The following PASK variants were observed in gnomAD, a reference collection of about 807,000 sequenced individuals.
PASK encodes PAS domain containing serine/threonine kinase.
A neutral mutation model predicts 121.0 loss-of-function variants in PASK; 110 were observed. The observed-to-expected ratio is 0.91, with a 90% confidence interval of 0.78 to 1.06. PASK has a LOEUF of 1.06. PASK is among the 50% of genes least tolerant of loss of function. PASK has a pLI of 0.00. For synonymous variants in PASK, 686 were observed against 717.8 expected (o/e 0.96, Z 0.71); for missense variants, 1,643 against 1,702.3 (o/e 0.97, Z 0.61).
chr2:241,114,834 G>A, intron 14 of PASK: 1 of 1,473,044 alleles, frequency 6.8e-7, no homozygotes, highest in South Asian at 1.4e-5. Flanking sequence ...GACTGTATCT[G>A]GCCTCATCCT....
At chr2:241,127,573 A>G (rs2065931821) in intron 9 of PASK, 122 bp from the exon 10 acceptor site, 1 of 820,792 alleles carries the variant, frequency 1.2e-6, no homozygotes, top group African/African-American at 1.7e-5. Context: ...TATAACAAGA[A>G]AAAGACCAAA....
chr2:241,127,030 TG>T lies in PASK; in HGVS notation c.1884del (p.Ser629AlafsTer15), dbSNP rs746476606. The T allele has an allele frequency of 6.2e-7, 1 of 1,614,184 alleles. No homozygotes were observed. The highest frequency in any genetic ancestry group is 2.2e-5 in the East Asian group (1 of 44,878). On this transcript the variant is annotated frameshift_variant, in exon 10 of 18. Transcript: ENST00000234040. LOFTEE classifies it high-confidence loss of function. ...GLWWRSQDLA[P>X]SPSGMAGLSF... The stretch of plus-strand genomic sequence containing the variant: ...GAGAGGCCTGCCATCCCAGAGGGGC[TG>T]GGGGCCAAGTCCTGGCTTCGCCACC...
In PASK at chr2:241,132,999, G is replaced by T. The variant is rs545248616; in HGVS notation, c.1338C>A (p.Gly446=). 1 of 1,614,072 alleles carries T rather than the reference G, an allele frequency of 6.2e-7. No individual in the cohort carries two copies. ...DPRINVVLAG[G]HVVPRDEIRK... ...GGATCTCATCTCGGGGCACAACGTG[G>T]CCACCAGCAAGCACGACATTAATCC... The change falls in exon 9 of 18, where the codon GGC becomes GGA. Residue 446 remains glycine, a synonymous_variant. Transcript: ENST00000234040.
chr2:241,112,955 G>A lies in PASK; in HGVS notation c.3334-516C>T, dbSNP rs2065168514. On this transcript the variant is annotated intron_variant, in intron 14 of 17. Coordinates refer to ENST00000234040, the MANE Select transcript of PASK (RefSeq NM_015148.4). The surrounding 1 kb of genome is among the most constrained non-coding windows in gnomAD (Gnocchi z 5.2). ...GGGCAGAGCTGGGAGCACAGCCTCA[G>A]TGGCTTCTCAGAGAGCAGCATGACG... 6.6e-6 allele frequency among the ~76,000 whole-genome samples: 1 copy of A among 152,244 alleles called. No individual in the cohort carries two copies. The highest frequency in any genetic ancestry group is 2.1e-4 in the South Asian group (1 of 4,830).
rs73112175 is a variant in PASK, at chr2:241,126,366, G to A, written c.2549C>T (p.Thr850Met). The A allele has an allele frequency of 4.7e-3, 7,577 of 1,614,214 alleles. 268 individuals carry two copies. The African/African-American group carries it at 0.084, about 18-fold the overall frequency. ...DRESPGHVPS[T>M]LDAGPEDTCP... ...CGTGTCCTCAGGGCCAGCATCCAAC[G>A]TGGAAGGAACGTGTCCTGGGCTTTC... The change falls in exon 10 of 18, where the codon ACG (threonine) becomes ATG (methionine). Residue 850 changes from threonine to methionine, a missense_variant. Thr to Met is a moderately conservative substitution (Grantham distance 81). Transcript: ENST00000234040.
In PASK at chr2:241,137,111, TGCA is replaced by T; in HGVS notation, c.1027_1029del (p.Cys343del). 6.2e-7 allele frequency: 1 copy of T among 1,613,684 alleles called. No individual in the cohort carries two copies. Among genetic ancestry groups the T allele is most frequent in the Middle Eastern group, 1.7e-4 (1 of 6,060 alleles). On this transcript the variant is annotated inframe_deletion, in exon 7 of 18. Transcript: ENST00000234040. ...AGGAGGGTGATGAGGCCACTGATGG[TGCA>T]GAACACCCAGACAGATGCCCGGTAG...
intron 12 of PASK, among the ~76,000 whole-genome samples, chr2:241,122,382 A>G (rs2065651665): frequency 6.6e-6 from 1 of 152,244 alleles, no homozygotes; most frequent in South Asian, 2.1e-4. Flanking sequence ...TGCCCGTGAG[A>G]TATGAGCATC....
chr2:241,113,906 T>C (rs2065217874), intron 14 of PASK: 2 of 984,474 alleles, frequency 2.0e-6, no homozygotes, highest in Non-Finnish European at 2.4e-6. Context: ...TGTGCGATCA[T>C]ATACTTTATA....
rs2066517796 is a variant in PASK, at chr2:241,137,956, T to C, written c.873A>G (p.Pro291=). ...TGCGGGAGGTCAGGAGCCCTACCTT[T>C]GGGATGTGCTGGCCAGAAGGAGGGA... ...VQLPPSGQHI[P]KNLKIQRSVG... The change falls in exon 6 of 18, where the codon CCA becomes CCG. Residue 291 remains proline (P), a synonymous_variant. Coordinates refer to ENST00000234040, the MANE Select transcript of PASK (RefSeq NM_015148.4). 3.1e-6 allele frequency: 5 copies of C among 1,614,054 alleles called. No individual in the cohort carries two copies. Among genetic ancestry groups the C allele is most frequent in the African/African-American group, 1.3e-5 (1 of 74,950 alleles).
intron 14 of PASK, chr2:241,114,053 T>C (rs924878453): frequency 1.0e-6 from 1 of 983,720 alleles, no homozygotes; most frequent in African/African-American, 1.7e-5. Context: ...TTAACAGCTG[T>C]CAGGCAGCAG....
chr2:241,129,124 C>T (rs2066011171), intron 9 of PASK, among the ~76,000 whole-genome samples: 1 of 152,130 alleles, frequency 6.6e-6, no homozygotes, highest in African/African-American at 2.4e-5. Context: ...TGCTAGGAAA[C>T]TGCACATCCT....
At position 241,124,134 on chromosome 2, in the gene PASK, C is replaced by A. The variant is rs752270245; in HGVS notation, c.2720-1G>T. The A allele has an allele frequency of 6.2e-7, 1 of 1,613,626 alleles. No homozygotes were observed. Among genetic ancestry groups the A allele is most frequent in the East Asian group, 2.2e-5 (1 of 44,870 alleles). On this transcript the variant is annotated splice_acceptor_variant, in intron 10 of 17. Transcript: ENST00000234040. LOFTEE classifies it high-confidence loss of function. ...ACCCGCCTCACCTCAAACTGTATAC[C>A]TGAAGGGTGAGAAGGTAAGAACGCA... is the stretch of plus-strand genomic sequence containing the variant.
At chr2:241,138,624 A>G in intron 5 of PASK, 30 bp downstream of exon 5, 1 of 1,613,330 alleles carries the variant, frequency 6.2e-7, no homozygotes, top group Non-Finnish European at 8.5e-7. Flanking sequence ...TCCAGCGTCC[A>G]TGAGACATGA....
chr2:241,136,396 A>C (rs2066436827), intron 7 of PASK, among the ~76,000 whole-genome samples: 1 of 152,196 alleles, frequency 6.6e-6, no homozygotes, highest in Non-Finnish European at 1.5e-5. Flanking sequence ...CGGAACAGTG[A>C]CATGCACCCA....
intron 4 of PASK, 103 bp from the exon 5 acceptor site, chr2:241,138,897 T>C: frequency 9.2e-7 from 1 of 1,082,726 alleles, no homozygotes; most frequent in Non-Finnish European, 1.4e-6. Flanking sequence ...CACTGCAACG[T>C]TTTCAACTTC....
chr2:241,118,037 T>A (rs1227323880), intron 12 of PASK, among the ~76,000 whole-genome samples: 3 of 152,182 alleles, frequency 2.0e-5, no homozygotes, highest in Non-Finnish European at 4.4e-5. Context: ...ACTTTCCACG[T>A]TCACAGATCA....
At chr2:241,139,531 T>C (rs779752648) in intron 4 of PASK, 7 of 518,438 alleles carry the variant, frequency 1.4e-5, no homozygotes, top group Admixed American at 6.8e-5. Context: ...TAAAAATCAA[T>C]AGACAATAAA....
chr2:241,143,344 G>C (rs912017045), intron 1 of PASK, among the ~76,000 whole-genome samples: 1 of 152,120 alleles, frequency 6.6e-6, no homozygotes, highest in Non-Finnish European at 1.5e-5. Flanking sequence ...AGATCGAGGA[G>C]ATCGAGACCA....
chr2:241,114,499 AG>A (rs1490307396), intron 14 of PASK: 1 of 999,808 alleles, frequency 1.0e-6, no homozygotes, highest in Admixed American at 5.3e-5. Context: ...TCCCTCTGCT[AG>A]GGTGCCTTCC....
Sources: gnomAD v4.1 joint callset for allele counts (sites outside exome capture counted in the v4.1 genomes callset) on GRCh38, gnomAD v4.1.1 for gene constraint, Gnocchi (gnomAD v3.1) non-coding constraint, MANE v1.5 for transcripts, NCBI Gene and HGNC (gene_info 2026-07-23, HGNC 2026-07-21) for gene names.